FBN1: variants seen among roughly 807,000 people sequenced by gnomAD.
The protein encoded by FBN1 is fibrillin-1.
In FBN1, 29 loss-of-function variants were observed where a neutral mutation model predicts 365.1. That is an observed-to-expected ratio of 0.08 (90% CI 0.06 to 0.11). FBN1 has a LOEUF of 0.11. Ranked by LOEUF, FBN1 falls within the 10% of genes least tolerant of loss-of-function variation. The probability of loss-of-function intolerance (pLI) is 1.00; values close to 1 mark genes in which losing one functional copy is unlikely to be tolerated. For synonymous variants in FBN1, 1,210 were observed against 1,270.5 expected (o/e 0.95, Z 1.01); for missense variants, 2,476 against 3,703.2 (o/e 0.67, Z 8.60).
chr15:48,570,606 T>G (rs1412716224), intron 6 of FBN1, among the ~76,000 whole-genome samples: 1 of 152,226 alleles, frequency 6.6e-6, no homozygotes, highest in Non-Finnish European at 1.5e-5. Context: ...TTTTCCTGAA[T>G]CTGTTGAACA....
intron 3 of FBN1, among the ~76,000 whole-genome samples, chr15:48,611,475 C>T (rs916117557): frequency 5.3e-5 from 8 of 152,062 alleles, no homozygotes; most frequent in Non-Finnish European, 7.4e-5. Flanking sequence ...TTAGCCAGGA[C>T]AGTCTCAATC....
At chr15:48,427,052 A>T (rs1288833928) in intron 58 of FBN1, among the ~76,000 whole-genome samples, 2 of 152,196 alleles carry the variant, frequency 1.3e-5, no homozygotes, top group East Asian at 1.9e-4. Context: ...ACAGGCCTAG[A>T]TATCTCTAGA....
intron 2 of FBN1, among the ~76,000 whole-genome samples, chr15:48,640,690 T>C (rs999257428): frequency 6.6e-6 from 1 of 152,146 alleles, no homozygotes; most frequent in African/African-American, 2.4e-5. Flanking sequence ...TTGTGTCAAA[T>C]ACAACTGGTC....
chr15:48,593,805 T>C lies in FBN1; in HGVS notation c.538+2478A>G, dbSNP rs796814895. 1.2e-4 allele frequency among the ~76,000 whole-genome samples: 18 copies of C among 152,262 alleles called. 1 individual carries two copies. The highest frequency in any genetic ancestry group is 4.1e-4 in the African/African-American group (17 of 41,558). On this transcript the variant is annotated intron_variant, in intron 6 of 65. Transcript: ENST00000316623. ...TGTTTTGATGCAATGCAGTAAATGCTATAAAAAGAGATGTGGAGAGAGTAC... is the reference window on the plus strand; with the variant it reads ...TGTTTTGATGCAATGCAGTAAATGCCATAAAAAGAGATGTGGAGAGAGTAC...
At chr15:48,480,004 C>T (rs1234781090) in intron 32 of FBN1, among the ~76,000 whole-genome samples, 2 of 152,124 alleles carry the variant, frequency 1.3e-5, no homozygotes, top group South Asian at 2.1e-4. Flanking sequence ...ACCAGCACTG[C>T]GCCAACAGCA....
chr15:48,630,894 T>C (rs761803518), intron 2 of FBN1, among the ~76,000 whole-genome samples: 5 of 152,200 alleles, frequency 3.3e-5, no homozygotes, highest in Non-Finnish European at 7.3e-5. Context: ...CAATGGCAAA[T>C]AGAAAAGTAA....
At chr15:48,612,953 T>C in intron 3 of FBN1, 57 bp downstream of exon 3, 1 of 1,296,494 alleles carries the variant, frequency 7.7e-7, no homozygotes, top group South Asian at 1.2e-5. Flanking sequence ...AGGCTCCCCA[T>C]GCAACCAACA....
intron 6 of FBN1, among the ~76,000 whole-genome samples, chr15:48,564,459 G>A (rs896919320): frequency 5.3e-5 from 8 of 151,754 alleles, no homozygotes; most frequent in African/African-American, 1.7e-4. Flanking sequence ...TTAAGTTGAA[G>A]TTTCTGGACT....
rs763994713 is a variant in FBN1, at chr15:48,421,708, A to G, written c.7571-22T>C. On this transcript the variant is annotated intron_variant, in intron 61 of 65. Coordinates refer to ENST00000316623, the MANE Select transcript of FBN1 (RefSeq NM_000138.5). ...TTATCTATGAGAAGCAGTGGGGGCA[A>G]AGAGGGGTTAAAATTCCCCAAAGCT... 3.7e-6 allele frequency: 6 copies of G among 1,611,196 alleles called. No homozygotes were observed. The Admixed American group carries it at 1.0e-4, about 27-fold the overall frequency.
At chr15:48,493,050 G>C (rs887442723) in intron 23 of FBN1, among the ~76,000 whole-genome samples, 10 of 152,316 alleles carry the variant, frequency 6.6e-5, no homozygotes, top group Non-Finnish European at 1.3e-4. Flanking sequence ...TCTCTTTTAA[G>C]AAGTTCTGAT....
At chr15:48,464,316 G>A (rs890464898) in intron 40 of FBN1, among the ~76,000 whole-genome samples, 2 of 152,060 alleles carry the variant, frequency 1.3e-5, no homozygotes. Context: ...TTCCAGACTA[G>A]CCTGGCCAAC....
chr15:48,495,449 A>G lies in FBN1; in HGVS notation c.2539+20T>C. On this transcript the variant is annotated intron_variant, in intron 21 of 65. Coordinates refer to ENST00000316623, the MANE Select transcript of FBN1 (RefSeq NM_000138.5). ...CAACATTGATAAACATAGAAAAATCATTCTCAGAAAGATAAATACCTATGC... is the reference window on the plus strand; with the variant it reads ...CAACATTGATAAACATAGAAAAATCGTTCTCAGAAAGATAAATACCTATGC... 1 of 1,611,990 alleles carries G rather than the reference A, an allele frequency of 6.2e-7. No homozygotes were observed. Among genetic ancestry groups the G allele is most frequent in the African/African-American group, 1.3e-5 (1 of 74,878 alleles).
At chr15:48,453,156 T>C (rs2043213904) in intron 44 of FBN1, among the ~76,000 whole-genome samples, 1 of 151,880 alleles carries the variant, frequency 6.6e-6, no homozygotes. Context: ...CTTGGGAAGC[T>C]GGGGCAGGAG....
At chr15:48,460,153 T>C in intron 43 of FBN1, 93 bp downstream of exon 43, 2 of 886,462 alleles carry the variant, frequency 2.3e-6, no homozygotes, top group South Asian at 2.7e-5. Context: ...GTTTAATATT[T>C]TTTTTCCTTT....
At chr15:48,516,514 C>T in intron 10 of FBN1, 152 bp from the exon 11 acceptor site, 1 of 797,638 alleles carries the variant, frequency 1.3e-6, no homozygotes, top group Non-Finnish European at 2.0e-6. Context: ...AAAGAACCAA[C>T]TGACTGGATT....
intron 40 of FBN1, among the ~76,000 whole-genome samples, 155 bp downstream of exon 40, chr15:48,465,413 A>T (rs2043312501): frequency 6.6e-6 from 1 of 152,246 alleles, no homozygotes; most frequent in Admixed American, 6.5e-5. Context: ...ACATTAGTCC[A>T]AATTGCCACA....
intron 56 of FBN1, 42 bp downstream of exon 56, chr15:48,430,629 C>T: frequency 6.2e-7 from 1 of 1,612,660 alleles, no homozygotes; most frequent in Non-Finnish European, 8.5e-7. Flanking sequence ...TCCACTGTCA[C>T]TTCTGATGCA....
In FBN1 at chr15:48,422,006, C is replaced by T. The variant is rs756295016; in HGVS notation, c.7516G>A (p.Gly2506Ser). 52 of 1,613,932 alleles carry T rather than the reference C, an allele frequency of 3.2e-5. No individual in the cohort carries two copies. The highest frequency in any genetic ancestry group is 5.3e-5 in the African/African-American group (4 of 74,894). ...CCGGGAGGACATTTGCATGTGAAGC[C>T]GCCAATGGTGTTAACACATAGGAAC... is the stretch of plus-strand genomic sequence containing the variant. Reference protein sequence around the residue: ...CQFLCVNTIGGFTCKCPPGFT... With the variant: ...CQFLCVNTIGSFTCKCPPGFT... The change falls in exon 61 of 66, where the codon GGC becomes AGC. Residue 2506 changes from glycine to serine, a missense_variant. Around this residue, in one of 5 missense-constraint regions of FBN1, gnomAD observed 1,780 missense variants for 2,840.8 expected, o/e 0.63. Transcript: ENST00000316623.
chr15:48,625,330 G>T (rs1889855408), intron 2 of FBN1, among the ~76,000 whole-genome samples: 1 of 152,100 alleles, frequency 6.6e-6, no homozygotes, highest in Non-Finnish European at 1.5e-5. Flanking sequence ...TTGTTTCTAT[G>T]GGAAAACACA....
Sources: allele counts gnomAD v4.1 joint callset (sites outside exome capture counted in the v4.1 genomes callset), GRCh38; gene constraint gnomAD v4.1.1; regional missense constraint gnomAD v4.1.1; transcripts MANE v1.5; gene names NCBI Gene and HGNC (gene_info 2026-07-23, HGNC 2026-07-21).